The following PACS2 variants were observed in gnomAD, a reference collection of about 807,000 sequenced individuals.
PACS2 encodes the protein PACS1-like protein.
A neutral mutation model predicts 113.0 loss-of-function variants in PACS2; 36 were observed. The observed-to-expected ratio is 0.32, with a 90% CI of 0.24 to 0.42. The LOEUF is 0.42. PACS2 is among the 10% of genes least tolerant of loss of function. PACS2 has a pLI of 1.00. For missense variants in PACS2, 1,015 were observed against 1,239.5 expected, an observed-to-expected ratio of 0.82 and a Z score of 2.72; for synonymous variants, 589 against 536.1, an observed-to-expected ratio of 1.10 and a Z score of -1.36.
At chr14:105,306,638 C>T (rs889530424) in intron 1 of PACS2, among the ~76,000 whole-genome samples, 1 of 151,858 alleles carries the variant, frequency 6.6e-6, no homozygotes, top group East Asian at 1.9e-4. Context: ...CTGAGTCTCG[C>T]TGTGTCGCCC....
chr14:105,359,425 C>T (rs988098701), intron 4 of PACS2, among the ~76,000 whole-genome samples: 4 of 150,680 alleles, frequency 2.7e-5, no homozygotes, highest in South Asian at 4.2e-4. Context: ...CTCCTTCCTC[C>T]GCCTCCCGAG....
At chr14:105,351,729 C>T (rs1194891199) in intron 2 of PACS2, among the ~76,000 whole-genome samples, 1 of 152,130 alleles carries the variant, frequency 6.6e-6, no homozygotes, top group Non-Finnish European at 1.5e-5. Flanking sequence ...CCTGTAGTCC[C>T]AGGTGCTAGG....
rs782340911 is a variant in PACS2 at position 105,391,777 on chromosome 14, C to T, written c.2255+11C>T. 1.3e-6 allele frequency: 2 copies of T among 1,587,162 alleles called. No individual in the cohort carries two copies. The highest frequency in any genetic ancestry group is 4.6e-5 in the East Asian group (2 of 43,644). ...CCTGTCCTCCCCCAGGTAAAGGTGCCTCACGGCTCAGCACGTTTCACTTAC... is the reference window on the plus strand; with the variant it reads ...CCTGTCCTCCCCCAGGTAAAGGTGCTTCACGGCTCAGCACGTTTCACTTAC... On this transcript the variant is annotated intron_variant, in intron 22 of 24. Coordinates refer to ENST00000447393, the MANE Select transcript of PACS2 (RefSeq NM_001100913.3).
Position 105,392,729 on chromosome 14 carries a change from A to C in PACS2, c.2366A>C (p.Asn789Thr). 6.2e-7 allele frequency: 1 copy of C among 1,612,870 alleles called. No individual in the cohort carries two copies. Among genetic ancestry groups the C allele is most frequent in the Non-Finnish European group, 8.5e-7 (1 of 1,179,988 alleles). The change falls in exon 23 of 25, where the codon AAC becomes ACC. Residue 789 changes from asparagine to threonine, a missense_variant. Coordinates refer to ENST00000447393, the MANE Select transcript of PACS2 (RefSeq NM_001100913.3). ...AAGAAGGACCTGCCTGTCACCAAAA[A>C]CACGCTCAAGTGCACTTTCCGGTCC... The part of the protein sequence containing the change: ...AEKKDLPVTK[N>T]TLKCTFRSLQ...
At position 105,396,497 on chromosome 14, in the gene PACS2, C is replaced by CTTTTTTT. The variant is rs1170035802; in HGVS notation, c.*1840_*1846dup. The CTTTTTTT allele has an allele frequency of 2.2e-4, 25 of 115,620 alleles. No individual in the cohort carries two copies. The highest frequency in any genetic ancestry group is 3.2e-4 in the African/African-American group (9 of 28,456). 7.2% of individuals were successfully genotyped at this position (115,620 alleles called of 1,614,324 possible). On this transcript the variant is annotated 3_prime_UTR_variant, in exon 25 of 25. Transcript: ENST00000447393. Reference sequence around the variant, plus strand: ...GTTTTTCTGCTCTCCAGTTTCTTTTCTTTTTTTTTTTTTTTTTTTTTGAGA... The same window carrying CTTTTTTT: ...GTTTTTCTGCTCTCCAGTTTCTTTTCTTTTTTTTTTTTTTTTTTTTTTTTTTTTGAGA...
chr14:105,354,112 G>A lies in PACS2; in HGVS notation c.298-940G>A, dbSNP rs1160964822. Among the ~76,000 whole-genome samples the A allele has an allele frequency of 2.0e-5, 3 of 151,974 alleles. No homozygotes were observed. Among genetic ancestry groups the A allele is most frequent in the Non-Finnish European group, 2.9e-5 (2 of 67,968 alleles). On this transcript the variant is annotated intron_variant, in intron 3 of 24. Coordinates refer to ENST00000447393, the MANE Select transcript of PACS2 (RefSeq NM_001100913.3). The surrounding 1 kb of genome is among the most constrained non-coding windows in gnomAD (Gnocchi z 4.2). Reference sequence around the variant, plus strand: ...CAAAAAAAAGAGAGAATATAATAACGAGGGCAAAAAAACACTTACTGAGTC... The same window carrying A: ...CAAAAAAAAGAGAGAATATAATAACAAGGGCAAAAAAACACTTACTGAGTC...
chr14:105,340,543 C>G lies in PACS2; in HGVS notation c.120-7950C>G, dbSNP rs781858655. Among the ~76,000 whole-genome samples, 1 of 152,322 alleles carries G rather than the reference C, an allele frequency of 6.6e-6. No individual in the cohort carries two copies. The highest frequency in any genetic ancestry group is 1.9e-4 in the East Asian group (1 of 5,188). ...AGCAGCGTGCAGCCTGGATCCCTCG[C>G]GTGCACAGTTACAATAGGGTTCTTC... On this transcript the variant is annotated intron_variant, in intron 1 of 24. Transcript: ENST00000447393. The surrounding 1 kb of genome is among the most constrained non-coding windows in gnomAD (Gnocchi z 4.2).
rs1312914825 is a variant in PACS2, at chr14:105,358,772, G to A, written c.423+3595G>A. Among the ~76,000 whole-genome samples, 1 of 152,202 alleles carries A rather than the reference G, an allele frequency of 6.6e-6. No homozygotes were observed. Among genetic ancestry groups the A allele is most frequent in the Non-Finnish European group, 1.5e-5 (1 of 68,022 alleles). Reference sequence around the variant, plus strand: ...GGTCCAGCCCAAGGGGACCTGTGAGGGGCGGGCGGCTCATGGTGGGACACA... The same window carrying A: ...GGTCCAGCCCAAGGGGACCTGTGAGAGGCGGGCGGCTCATGGTGGGACACA... On this transcript the variant is annotated intron_variant, in intron 4 of 24. Coordinates refer to ENST00000447393, the MANE Select transcript of PACS2 (RefSeq NM_001100913.3). This position sits in a 1 kb window ranked among gnomAD's most constrained non-coding sequence, Gnocchi z 4.9.
intron 17 of PACS2, 76 bp from the exon 18 acceptor site, chr14:105,384,803 G>A (rs1166130855): frequency 2.7e-5 from 26 of 962,044 alleles, no homozygotes; most frequent in East Asian, 5.3e-5. Context: ...GCGGGGCACC[G>A]GGGAGGCCCA....
intron 1 of PACS2, among the ~76,000 whole-genome samples, chr14:105,319,618 C>T (rs1007911816): frequency 9.9e-5 from 15 of 152,216 alleles, no homozygotes; most frequent in South Asian, 4.2e-4. Context: ...TATGTTTTGT[C>T]TTTTGCAAAA....
rs782108001 is a variant in PACS2, at chr14:105,367,241, A to G, written c.452A>G (p.Gln151Arg). Reference sequence around the variant, plus strand: ...ATGCAACACCCGTCTGAAGGTGGCCAGGTGCTGAGCCTCTGCAGCAGCATC... The same window carrying G: ...ATGCAACACCCGTCTGAAGGTGGCCGGGTGCTGAGCCTCTGCAGCAGCATC... ...EVMQHPSEGG[Q>R]VLSLCSSIKE... is the part of the protein sequence containing the mutation. Residue 151 changes from glutamine (Q) to arginine (R), a missense_variant, in exon 5 of 25, where the codon CAG becomes CGG. Gln to Arg is a conservative substitution (Grantham distance 43). Around this residue, in one of 3 missense-constraint regions of PACS2, gnomAD observed 859 missense variants for 1,056.8 expected, o/e 0.81. Transcript: ENST00000447393. The G allele has an allele frequency of 7.4e-6, 12 of 1,612,956 alleles. No individual in the cohort carries two copies. The highest frequency in any genetic ancestry group is 1.0e-5 in the Non-Finnish European group (12 of 1,179,960).
At chr14:105,364,323 T>TGGGTGGTGTCCCGGGTGCACGGC (rs1489711213) in intron 4 of PACS2, among the ~76,000 whole-genome samples, 3 of 136,944 alleles carry the variant, frequency 2.2e-5, no homozygotes, top group African/African-American at 9.2e-5. Flanking sequence ...GGGTGCGCGG[T>TGGGTGGTGTCCCGGGTGCACGGC]GGGCGGCGGC....
exon 1 of PACS2, chr14:105,300,788 C>A (rs1318353185): frequency 4.8e-6 from 2 of 414,262 alleles, no homozygotes; most frequent in Non-Finnish European, 7.0e-6. Context: ...ATTCGCCGCG[C>A]GCGCCCGGGC....
chr14:105,394,514 C>CGGGCAGGG (rs1566975411), intron 24 of PACS2, 40 bp from the exon 25 acceptor site: 1 of 1,606,012 alleles, frequency 6.2e-7, no homozygotes, highest in Non-Finnish European at 8.5e-7. Context: ...GTGGGCAGGC[C>CGGGCAGGG]GGGCAGGGGG....
intron 10 of PACS2, 79 bp from the exon 11 acceptor site, chr14:105,380,001 C>G: frequency 1.4e-6 from 2 of 1,412,040 alleles, no homozygotes; most frequent in Non-Finnish European, 9.8e-7. Context: ...CTCCCTGAGT[C>G]CCAGCATTCC....
intron 1 of PACS2, among the ~76,000 whole-genome samples, chr14:105,342,642 T>G (rs2059776748): frequency 6.6e-6 from 1 of 151,844 alleles, no homozygotes. Flanking sequence ...TTTGCAAGTA[T>G]CGTCTGGTAG....
upstream of PACS2, among the ~76,000 whole-genome samples, chr14:105,312,093 T>A (rs190775519): frequency 2.0e-5 from 3 of 152,282 alleles, no homozygotes; most frequent in East Asian, 1.9e-4. Flanking sequence ...GGGCCTGCTG[T>A]GTGTCTGTGT....
At position 105,368,167 on chromosome 14, in the gene PACS2, C is replaced by T. The variant is rs782390459; in HGVS notation, c.660+20C>T. ...GGGCAGGTGACCTGGGGCCGGGGCT[C>T]CGCGCCCTCTCCTGGCTCACACCGG... On this transcript the variant is annotated intron_variant, in intron 6 of 24. Transcript: ENST00000447393. 6.4e-7 allele frequency: 1 copy of T among 1,563,138 alleles called. No homozygotes were observed. The highest frequency in any genetic ancestry group is 1.1e-5 in the South Asian group (1 of 90,174).
chr14:105,307,636 T>C (rs1342131754), intron 1 of PACS2, among the ~76,000 whole-genome samples: 1 of 152,202 alleles, frequency 6.6e-6, no homozygotes, highest in Non-Finnish European at 1.5e-5. Flanking sequence ...GCAGGGGAAA[T>C]GAGAAAGCAA....
Sources: gnomAD v4.1 joint callset for allele counts (sites outside exome capture counted in the v4.1 genomes callset) on GRCh38, gnomAD v4.1.1 for gene constraint, gnomAD v4.1.1 regional missense constraint, Gnocchi (gnomAD v3.1) non-coding constraint, MANE v1.5 for transcripts, NCBI Gene and HGNC (gene_info 2026-07-23, HGNC 2026-07-21) for gene names.